The following PTPRJ variants were observed in gnomAD, a reference collection of about 807,000 sequenced individuals.
PTPRJ encodes receptor-type tyrosine-protein phosphatase eta.
Under a neutral mutation model 141.3 loss-of-function variants are expected in PTPRJ, and 129 were observed. That is an observed-to-expected ratio of 0.91 (90% CI 0.79 to 1.06). The LOEUF is 1.06. Among genes scored for constraint, PTPRJ ranks in the 50% least tolerant of loss-of-function variants. The pLI, the probability that PTPRJ is intolerant of heterozygous loss-of-function variation, is 0.00. For synonymous variants in PTPRJ, 610 were observed against 640.5 expected (o/e 0.95, Z 0.72); for missense variants, 1,601 against 1,679.7 (o/e 0.95, Z 0.82).
chr11:48,100,873 A>C (rs1302201007), intron 1 of PTPRJ, among the ~76,000 whole-genome samples: 2 of 150,648 alleles, frequency 1.3e-5, no homozygotes, highest in African/African-American at 2.4e-5. Context: ...CAAGAGCAAA[A>C]CTCTGTCTCA....
At chr11:48,019,747 C>T (rs1243258212) in intron 1 of PTPRJ, among the ~76,000 whole-genome samples, 1 of 152,156 alleles carries the variant, frequency 6.6e-6, no homozygotes, top group Non-Finnish European at 1.5e-5. Context: ...CTGCACACAG[C>T]TGAGAGATTA....
At chr11:48,038,644 A>G (rs1051001453) in intron 1 of PTPRJ, among the ~76,000 whole-genome samples, 1 of 151,802 alleles carries the variant, frequency 6.6e-6, no homozygotes, top group African/African-American at 2.4e-5. Flanking sequence ...GGCGCACGCC[A>G]CCATGCCTGG....
At position 48,136,198 on chromosome 11, in the gene PTPRJ, C is replaced by T. The variant is rs1252176208; in HGVS notation, c.1775C>T (p.Thr592Ile). The T allele has an allele frequency of 1.9e-6, 3 of 1,614,220 alleles. No individual in the cohort carries two copies. Among genetic ancestry groups the T allele is most frequent in the South Asian group, 2.2e-5 (2 of 91,082 alleles). Reference protein sequence around the residue: ...NHTSTYDKAITLQGLIPGTLY... With the variant: ...NHTSTYDKAIILQGLIPGTLY... ...ACAAGCACGTATGACAAAGCGATTA[C>T]TCTCCAGGGCCTGATTCCGGGCACC... Residue 592 changes from threonine (T) to isoleucine (I), a missense_variant, in exon 9 of 25, where the codon ACT becomes ATT. Thr to Ile is a moderately conservative substitution (Grantham distance 89). Transcript: ENST00000418331.
intron 22 of PTPRJ, among the ~76,000 whole-genome samples, chr11:48,161,180 C>CAAAAA (rs71045549): frequency 0.5 from 33,900 of 68,072 alleles, 10,201 homozygotes; most frequent in Admixed American, 0.63. Flanking sequence ...GACCCGGTCT[C>CAAAAA]AAAAAAAAAA....
In PTPRJ at chr11:48,163,549, A is replaced by T; in HGVS notation, c.3650A>T (p.Asn1217Ile). 2 of 1,613,948 alleles carry T rather than the reference A, an allele frequency of 1.2e-6. No homozygotes were observed. The highest frequency in any genetic ancestry group is 1.7e-6 in the Non-Finnish European group (2 of 1,179,876). ...CCCGACACCACTGACCTGCTCATCA[A>T]CTTCCGGTACCTCGTTCGTGACTAC... The part of the protein sequence containing the change: ...GVPDTTDLLI[N>I]FRYLVRDYMK... The change falls in exon 23 of 25, where the codon AAC becomes ATC. Residue 1217 changes from asparagine to isoleucine, a missense_variant. Coordinates refer to ENST00000418331, the MANE Select transcript of PTPRJ (RefSeq NM_002843.4).
At chr11:48,117,737 GA>G (rs1276563023) in intron 3 of PTPRJ, among the ~76,000 whole-genome samples, 2 of 151,664 alleles carry the variant, frequency 1.3e-5, no homozygotes, top group African/African-American at 4.8e-5. Context: ...GGTCAAAGCT[GA>G]AATAAATGAA....
intron 1 of PTPRJ, among the ~76,000 whole-genome samples, chr11:48,051,066 T>A (rs1431203663): frequency 1.4e-5 from 2 of 148,040 alleles, no homozygotes; most frequent in East Asian, 4.0e-4. Flanking sequence ...TCAGAGGTGA[T>A]AGCCAGTTAA....
At chr11:48,032,183 C>T (rs1355787284) in intron 1 of PTPRJ, among the ~76,000 whole-genome samples, 1 of 152,136 alleles carries the variant, frequency 6.6e-6, no homozygotes, top group Admixed American at 6.5e-5. Context: ...CTGCCCCCTG[C>T]CAGGTTGCTT....
At chr11:48,023,154 A>G (rs1853703247) in intron 1 of PTPRJ, among the ~76,000 whole-genome samples, 1 of 152,160 alleles carries the variant, frequency 6.6e-6, no homozygotes, top group Non-Finnish European at 1.5e-5. Flanking sequence ...TAAGAAAACA[A>G]GGAGAAAAAT....
At chr11:48,132,333 C>T in intron 8 of PTPRJ, 1 of 975,766 alleles carries the variant, frequency 1.0e-6, no homozygotes, top group Non-Finnish European at 1.2e-6. Context: ...CCAACAGTTG[C>T]AGACTAGCAC....
chr11:47,987,253 TAAAGAAAGACCCCCA>T (rs1854075669), intron 1 of PTPRJ, among the ~76,000 whole-genome samples: 1 of 151,554 alleles, frequency 6.6e-6, no homozygotes, highest in Non-Finnish European at 1.5e-5. Flanking sequence ...GGGGTCTTAG[TAAAGAAAGACCCCCA>T]AAAGTCCATG....
chr11:48,125,232 C>T (rs1193052254), intron 6 of PTPRJ, 46 bp downstream of exon 6: 2 of 1,582,628 alleles, frequency 1.3e-6, no homozygotes, highest in Non-Finnish European at 1.7e-6. Flanking sequence ...TTTCCTAGCA[C>T]AATGTTCTGT....
intron 4 of PTPRJ, among the ~76,000 whole-genome samples, chr11:48,121,966 T>C (rs772667021): frequency 6.6e-6 from 1 of 152,118 alleles, no homozygotes; most frequent in Non-Finnish European, 1.5e-5. Context: ...GCGCCTGAGC[T>C]CTTGGAGCCC....
chr11:48,032,858 G>T (rs1486504813), intron 1 of PTPRJ, among the ~76,000 whole-genome samples: 2 of 152,198 alleles, frequency 1.3e-5, no homozygotes, highest in African/African-American at 2.4e-5. Flanking sequence ...CTGGGGATAT[G>T]CCCCAAACAG....
At chr11:48,084,882 G>C (rs538903958) in intron 1 of PTPRJ, among the ~76,000 whole-genome samples, 1 of 152,046 alleles carries the variant, frequency 6.6e-6, no homozygotes, top group Non-Finnish European at 1.5e-5. Context: ...ATTATAAATT[G>C]TACAATTATT....
rs772946909 is a variant in PTPRJ, at chr11:48,164,464, T to A, written c.3804T>A (p.Tyr1268Ter). 6.2e-7 allele frequency: 1 copy of A among 1,613,704 alleles called. No homozygotes were observed. Among genetic ancestry groups the A allele is most frequent in the Non-Finnish European group, 8.5e-7 (1 of 1,179,962 alleles). ...AGAATGAGAACACCGTGGATGTGTA[T>A]GGGATTGTGTATGACCTTCGAATGC... ...QIENENTVDV[Y>*]GIVYDLRMHR... Residue 1268 changes from tyrosine (Y) to a stop codon, truncating the protein, a stop_gained, in exon 24 of 25, where the codon TAT becomes TAA. Coordinates refer to ENST00000418331, the MANE Select transcript of PTPRJ (RefSeq NM_002843.4). LOFTEE classifies it high-confidence loss of function.
chr11:48,064,929 C>T (rs774044736), intron 1 of PTPRJ, among the ~76,000 whole-genome samples: 1 of 150,014 alleles, frequency 6.7e-6, no homozygotes, highest in African/African-American at 2.5e-5. Context: ...CTCTGAGCTG[C>T]AAATTTAATA....
intron 1 of PTPRJ, among the ~76,000 whole-genome samples, chr11:47,981,679 C>T (rs1431777305): frequency 6.6e-6 from 1 of 152,140 alleles, no homozygotes; most frequent in African/African-American, 2.4e-5. Context: ...CTCCCCACCC[C>T]ACCCTCACCC....
chr11:48,119,697 C>G (rs943194677), intron 3 of PTPRJ, among the ~76,000 whole-genome samples: 4 of 152,214 alleles, frequency 2.6e-5, no homozygotes, highest in African/African-American at 9.6e-5. Context: ...AGCCAGTGTG[C>G]CTGGCTTCCT....
Sources: gnomAD v4.1 joint callset for allele counts (sites outside exome capture counted in the v4.1 genomes callset) on GRCh38, gnomAD v4.1.1 for gene constraint, MANE v1.5 for transcripts, NCBI Gene and HGNC (gene_info 2026-07-23, HGNC 2026-07-21) for gene names.